Variants in LRP1B observed in about 807,000 individuals in gnomAD.
LRP1B encodes low-density lipoprotein receptor-related protein 1B.
Under a neutral mutation model 556.6 loss-of-function variants are expected in LRP1B, and 217 were observed. That is an observed-to-expected ratio of 0.39 (90% CI 0.35 to 0.44). LRP1B has a LOEUF of 0.44. LRP1B is among the 20% of genes least tolerant of loss of function. The probability of loss-of-function intolerance (pLI) is 1.00; values close to 1 mark genes in which losing one functional copy is unlikely to be tolerated. For synonymous variants in LRP1B, 2,047 were observed against 1,865.8 expected (o/e 1.10, Z -2.50); for missense variants, 5,053 against 5,620.8 (o/e 0.90, Z 3.23).
At chr2:140,464,245 G>C in intron 60 of LRP1B, among the ~76,000 whole-genome samples, 1 of 151,642 alleles carries the variant, frequency 6.6e-6, no homozygotes, top group African/African-American at 2.4e-5. Flanking sequence ...AATTCATACT[G>C]TATTTAGAAA....
chr2:141,944,342 C>T (rs1700896403), intron 1 of LRP1B, among the ~76,000 whole-genome samples: 3 of 152,160 alleles, frequency 2.0e-5, no homozygotes, highest in Admixed American at 2.0e-4. Flanking sequence ...GGTTTATAAC[C>T]TCTTAAATGT....
intron 1 of LRP1B, among the ~76,000 whole-genome samples, chr2:141,965,751 A>C (rs1330313309): frequency 2.4e-5 from 3 of 127,326 alleles, no homozygotes; most frequent in Non-Finnish European, 3.5e-5. Flanking sequence ...TAGAATTAAA[A>C]AAAATAATAA....
chr2:140,480,671 C>A (rs910405439), intron 59 of LRP1B, among the ~76,000 whole-genome samples: 1 of 152,038 alleles, frequency 6.6e-6, no homozygotes, highest in Non-Finnish European at 1.5e-5. Context: ...GAACTCCTAA[C>A]CTCAGGTGAT....
At chr2:141,174,669 G>A (rs1322204472) in intron 7 of LRP1B, among the ~76,000 whole-genome samples, 1 of 152,028 alleles carries the variant, frequency 6.6e-6, no homozygotes, top group Non-Finnish European at 1.5e-5. Flanking sequence ...CCAGGCTTAG[G>A]TAGTTCCTCA....
At chr2:141,481,871 A>C (rs1682930934) in intron 2 of LRP1B, among the ~76,000 whole-genome samples, 1 of 152,156 alleles carries the variant, frequency 6.6e-6, no homozygotes, top group Non-Finnish European at 1.5e-5. Context: ...ACACTTAATA[A>C]ATGTTTGGTG....
At chr2:142,020,369 A>G (rs1004775455) in intron 1 of LRP1B, among the ~76,000 whole-genome samples, 5 of 152,194 alleles carry the variant, frequency 3.3e-5, no homozygotes, top group East Asian at 1.9e-4. Context: ...GAGGACAAAC[A>G]TGTATTCAGA....
chr2:141,402,704 G>C (rs892541327), intron 3 of LRP1B, among the ~76,000 whole-genome samples: 4 of 151,960 alleles, frequency 2.6e-5, no homozygotes, highest in Non-Finnish European at 5.9e-5. Flanking sequence ...CATTGTAAAA[G>C]TGTTATTATG....
intron 2 of LRP1B, among the ~76,000 whole-genome samples, chr2:141,783,747 T>C (rs12470436): frequency 0.11 from 17,140 of 151,816 alleles, 1,077 homozygotes; most frequent in Middle Eastern, 0.22. Flanking sequence ...TATATTATTA[T>C]ATAGCAGATA....
At chr2:142,070,745 G>A (rs1423500428) in intron 1 of LRP1B, among the ~76,000 whole-genome samples, 1 of 151,862 alleles carries the variant, frequency 6.6e-6, no homozygotes, top group Non-Finnish European at 1.5e-5. Context: ...CTGAAACCAG[G>A]CAAACTAATC....
chr2:141,945,702 T>C (rs1341157523), intron 1 of LRP1B, among the ~76,000 whole-genome samples: 2 of 152,034 alleles, frequency 1.3e-5, no homozygotes, highest in Admixed American at 6.6e-5. Flanking sequence ...AATGCAATTA[T>C]TAGATTTTTC....
Position 141,915,932 on chromosome 2 carries a change from G to T in LRP1B, c.83-105531C>A, listed in dbSNP as rs572197623. Among the ~76,000 whole-genome samples the T allele has an allele frequency of 2.0e-4, 30 of 152,290 alleles. 2 individuals carry two copies. The South Asian group carries it at 6.0e-3, about 30-fold the overall frequency. ...ATTATTACAAATTCTAAAAATAACA[G>T]ATCCTGGCAAGGCTGTGGAGAAAAG... On this transcript the variant is annotated intron_variant, in intron 1 of 90. Transcript: ENST00000389484.
chr2:141,498,613 C>G (rs552493088), intron 2 of LRP1B, among the ~76,000 whole-genome samples: 1 of 152,074 alleles, frequency 6.6e-6, no homozygotes, highest in African/African-American at 2.4e-5. Context: ...AATCCAGTCC[C>G]TTAAAAAAGT....
chr2:140,744,331 C>A (rs1360010533), intron 35 of LRP1B, among the ~76,000 whole-genome samples: 1 of 151,984 alleles, frequency 6.6e-6, no homozygotes, highest in African/African-American at 2.4e-5. Flanking sequence ...AAAATAAAAG[C>A]ACATATAACA....
intron 7 of LRP1B, among the ~76,000 whole-genome samples, chr2:141,123,369 TAAG>T (rs1366608883): frequency 6.6e-6 from 1 of 152,044 alleles, no homozygotes; most frequent in Non-Finnish European, 1.5e-5. Flanking sequence ...TGGCCTCTTT[TAAG>T]AAGTAAAATG....
intron 7 of LRP1B, among the ~76,000 whole-genome samples, chr2:141,070,581 G>T (rs1016406593): frequency 1.8e-4 from 27 of 151,822 alleles, no homozygotes; most frequent in African/African-American, 6.3e-4. Context: ...TTTTTTGAAA[G>T]GATCAACAAA....
At chr2:140,748,119 ATATATATATATATAT>A (rs1559093587) in intron 35 of LRP1B, among the ~76,000 whole-genome samples, 4 of 133,004 alleles carry the variant, frequency 3.0e-5, no homozygotes, top group Non-Finnish European at 4.7e-5. Flanking sequence ...ATATATATAT[ATATATATATATATAT>A]ATAATTCATA....
chr2:140,329,658 C>A (rs1680691213), intron 79 of LRP1B, among the ~76,000 whole-genome samples: 1 of 151,620 alleles, frequency 6.6e-6, no homozygotes, highest in Admixed American at 6.6e-5. Flanking sequence ...GCTACAAAGA[C>A]AATAAAATAC....
chr2:141,686,759 G>A (rs1019485939), intron 2 of LRP1B, among the ~76,000 whole-genome samples: 2 of 151,954 alleles, frequency 1.3e-5, no homozygotes, highest in African/African-American at 4.8e-5. Context: ...TGAGGGCTCT[G>A]CCTTAATAAA....
intron 2 of LRP1B, among the ~76,000 whole-genome samples, chr2:141,660,827 A>G (rs1465949342): frequency 1.3e-5 from 2 of 152,130 alleles, no homozygotes; most frequent in Admixed American, 6.5e-5. Context: ...ATGAGCACCC[A>G]GCGCGTTTTG....
Sources: allele counts gnomAD v4.1 joint callset (sites outside exome capture counted in the v4.1 genomes callset), GRCh38; gene constraint gnomAD v4.1.1; transcripts MANE v1.5; gene names NCBI Gene and HGNC (gene_info 2026-07-23, HGNC 2026-07-21).